Variants in PXDNL observed in about 807,000 individuals in gnomAD.
PXDNL encodes the protein probable oxidoreductase PXDNL.
PXDNL carries 145 observed loss-of-function variants against 150.8 expected under a neutral mutation model. The ratio of observed to expected loss-of-function variants is 0.96; its 90% CI spans 0.84 to 1.10. The LOEUF (loss-of-function observed/expected upper bound fraction) is 1.10. PXDNL is among the 50% of genes least tolerant of loss of function. The pLI, the probability that PXDNL is intolerant of heterozygous loss-of-function variation, is 0.00. For synonymous variants in PXDNL, 757 were observed against 725.7 expected, an observed-to-expected ratio of 1.04 and a Z score of -0.69; for missense variants, 2,087 against 1,873.9, an observed-to-expected ratio of 1.11 and a Z score of -2.10.
At chr8:51,716,715 A>G (rs1217378532) in intron 1 of PXDNL, among the ~76,000 whole-genome samples, 1 of 151,920 alleles carries the variant, frequency 6.6e-6, no homozygotes, top group African/African-American at 2.4e-5. Context: ...GAACAAGAAG[A>G]AAACATTGGC....
At chr8:51,479,870 T>C (rs1040541526) in intron 6 of PXDNL, among the ~76,000 whole-genome samples, 5 of 152,158 alleles carry the variant, frequency 3.3e-5, no homozygotes, top group Admixed American at 3.3e-4. Context: ...ATAGATTAGA[T>C]AGACAGATAG....
chr8:51,356,841 C>G (rs981543332), intron 19 of PXDNL, among the ~76,000 whole-genome samples: 1 of 152,170 alleles, frequency 6.6e-6, no homozygotes, highest in South Asian at 2.1e-4. Flanking sequence ...ACGCCTCTGT[C>G]GGAGCTCTCT....
chr8:51,765,357 GC>G (rs1304920704), intron 1 of PXDNL, among the ~76,000 whole-genome samples: 1 of 152,130 alleles, frequency 6.6e-6, no homozygotes, highest in Non-Finnish European at 1.5e-5. Context: ...TGTAAGACAT[GC>G]TTTTCACCTT....
intron 1 of PXDNL, among the ~76,000 whole-genome samples, chr8:51,763,775 T>C (rs990673008): frequency 5.3e-5 from 8 of 152,370 alleles, no homozygotes; most frequent in Middle Eastern, 3.4e-3. Context: ...TTTGTGTATA[T>C]TGACCTCCAA....
At chr8:51,719,347 C>G (rs965507395) in intron 1 of PXDNL, among the ~76,000 whole-genome samples, 1 of 152,196 alleles carries the variant, frequency 6.6e-6, no homozygotes, top group East Asian at 1.9e-4. Flanking sequence ...TTACCCCCAA[C>G]CTGGTGCTCT....
chr8:51,415,678 T>C (rs539882643), intron 14 of PXDNL, among the ~76,000 whole-genome samples: 89 of 152,272 alleles, frequency 5.8e-4, no homozygotes, highest in Non-Finnish European at 1.1e-3. Flanking sequence ...ACAGTTAGAA[T>C]TGTCTGGGCA....
At chr8:51,529,376 C>T (rs1018572319) in intron 4 of PXDNL, among the ~76,000 whole-genome samples, 1 of 152,184 alleles carries the variant, frequency 6.6e-6, no homozygotes, top group African/African-American at 2.4e-5. Flanking sequence ...GCTGCTTCCA[C>T]CATCATCTTA....
intron 3 of PXDNL, among the ~76,000 whole-genome samples, chr8:51,568,022 G>A (rs1348734764): frequency 6.6e-6 from 1 of 151,630 alleles, no homozygotes; most frequent in African/African-American, 2.4e-5. Context: ...AAATATGAAG[G>A]GCTGACTGTA....
intron 4 of PXDNL, among the ~76,000 whole-genome samples, chr8:51,533,848 C>T (rs1382109682): frequency 1.3e-5 from 2 of 150,526 alleles, no homozygotes; most frequent in Non-Finnish European, 2.9e-5. Context: ...CCTCCACCTC[C>T]CAGCCGCCTG....
intron 1 of PXDNL, among the ~76,000 whole-genome samples, chr8:51,781,627 A>T (rs1199288054): frequency 6.6e-6 from 1 of 152,216 alleles, no homozygotes; most frequent in Non-Finnish European, 1.5e-5. Context: ...GCATAACTGC[A>T]TTCACATAAA....
intron 21 of PXDNL, among the ~76,000 whole-genome samples, chr8:51,330,166 T>C (rs1243241693): frequency 6.6e-6 from 1 of 152,182 alleles, no homozygotes; most frequent in Non-Finnish European, 1.5e-5. Context: ...TGCTAATCTC[T>C]TCAGAAACAC....
intron 21 of PXDNL, among the ~76,000 whole-genome samples, chr8:51,325,695 C>T (rs183454574): frequency 2.5e-4 from 38 of 152,262 alleles, no homozygotes; most frequent in Admixed American, 2.1e-3. Flanking sequence ...AGGACGGAAG[C>T]CCAGGCTCCC....
chr8:51,585,846 C>T (rs1205230142), intron 3 of PXDNL, among the ~76,000 whole-genome samples: 1 of 152,082 alleles, frequency 6.6e-6, no homozygotes, highest in Non-Finnish European at 1.5e-5. Context: ...TCCATCAAGA[C>T]CAACCTGCCA....
chr8:51,608,029 GA>G (rs1202225753), intron 2 of PXDNL, among the ~76,000 whole-genome samples: 1 of 111,234 alleles, frequency 9.0e-6, no homozygotes, highest in African/African-American at 4.1e-5. Context: ...AAGAAAGAAA[GA>G]AAGAAAGAAA....
chr8:51,472,866 T>C (rs1258725585), intron 7 of PXDNL, among the ~76,000 whole-genome samples: 1 of 152,220 alleles, frequency 6.6e-6, no homozygotes, highest in African/African-American at 2.4e-5. Context: ...GATTTTGTAA[T>C]GAATCAGGTA....
intron 21 of PXDNL, among the ~76,000 whole-genome samples, chr8:51,328,620 GT>G (rs1387558976): frequency 6.6e-6 from 1 of 152,188 alleles, no homozygotes; most frequent in Non-Finnish European, 1.5e-5. Flanking sequence ...TATGTCAATA[GT>G]AACTTCCCGA....
In PXDNL at chr8:51,689,829, C is replaced by T. The variant is rs149533314; in HGVS notation, c.165-35069G>A. Among the ~76,000 whole-genome samples, 115 of 152,292 alleles carry T rather than the reference C, an allele frequency of 7.6e-4. 2 individuals carry two copies. The highest frequency in any genetic ancestry group is 2.4e-3 in the African/African-American group (99 of 41,564). ...CGTTCCACTGAGGCACAGTGTGGGCCGTCACTCAACTAGCACAGATTTAGC... is the reference window on the plus strand; with the variant it reads ...CGTTCCACTGAGGCACAGTGTGGGCTGTCACTCAACTAGCACAGATTTAGC... On this transcript the variant is annotated intron_variant, in intron 1 of 22. Coordinates refer to ENST00000356297, the MANE Select transcript of PXDNL (RefSeq NM_144651.5).
intron 2 of PXDNL, among the ~76,000 whole-genome samples, chr8:51,602,489 G>T (rs7819583): frequency 0.011 from 1,733 of 151,666 alleles, 15 homozygotes; most frequent in South Asian, 0.026. Context: ...AGTGAATTTG[G>T]TAACTTTTTT....
intron 12 of PXDNL, chr8:51,435,803 A>G: frequency 4.7e-6 from 2 of 422,302 alleles, no homozygotes; most frequent in South Asian, 2.1e-5. Context: ...CTTTTCTTCC[A>G]GAGGAATAAA....
Sources: allele counts gnomAD v4.1 joint callset (sites outside exome capture counted in the v4.1 genomes callset), GRCh38; gene constraint gnomAD v4.1.1; transcripts MANE v1.5; gene names NCBI Gene and HGNC (gene_info 2026-07-23, HGNC 2026-07-21).